The following ERICH6 variants were observed in gnomAD, a reference collection of about 807,000 sequenced individuals.
ERICH6 encodes the protein glutamate rich 6, also known as glutamate-rich protein 6.
Under a neutral mutation model 71.0 loss-of-function variants are expected in ERICH6, and 71 were observed. The ratio of observed to expected loss-of-function variants is 1.00; its 90% CI spans 0.83 to 1.22. ERICH6 has a LOEUF of 1.22. Among genes scored for constraint, ERICH6 ranks in the 50% most tolerant of loss-of-function variants. The pLI, the probability that ERICH6 is intolerant of heterozygous loss-of-function variation, is 0.00. For synonymous variants in ERICH6, 262 were observed against 278.4 expected, an observed-to-expected ratio of 0.94 and a Z score of 0.59; for missense variants, 808 against 797.2, an observed-to-expected ratio of 1.01 and a Z score of -0.16.
chr3:150,671,868 G>A (rs763312343), intron 11 of ERICH6, among the ~76,000 whole-genome samples: 5 of 152,118 alleles, frequency 3.3e-5, no homozygotes, highest in Admixed American at 6.5e-5. Context: ...GAGCTCATGC[G>A]ATCTGCCCAC....
At chr3:150,667,121 G>A (rs17281008) in intron 12 of ERICH6, 106 bp from the exon 13 acceptor site, 51,484 of 1,003,518 alleles carry the variant, frequency 0.051, 1,695 homozygotes, top group Middle Eastern at 0.1. Context: ...TTATGCCAGC[G>A]ATTAGCAGGA....
In ERICH6 at chr3:150,703,877, T is replaced by A; in HGVS notation, c.22A>T (p.Ser8Cys). 6.2e-7 allele frequency: 1 copy of A among 1,613,870 alleles called. No individual in the cohort carries two copies. The highest frequency in any genetic ancestry group is 8.5e-7 in the Non-Finnish European group (1 of 1,179,926). The change falls in exon 1 of 14, where the codon AGC becomes TGC. Residue 8 changes from serine (S) to cysteine (C), a missense_variant. Transcript: ENST00000295910. ...TTCTTCCCCGGGTCTCCGAAGCCGC[T>A]AGGCGAGCGCAAGTGGGCCATGGCT... MAHLRSP[S>C]GFGDPGKKDQ...
intron 3 of ERICH6, among the ~76,000 whole-genome samples, chr3:150,694,473 C>T (rs1712576413): frequency 6.6e-6 from 1 of 152,166 alleles, no homozygotes; most frequent in Admixed American, 6.5e-5. Flanking sequence ...GGTAGGTACT[C>T]TATGTTCGTT....
rs1713045889 is a variant in ERICH6, at chr3:150,703,742, C to A, written c.157G>T (p.Glu53Ter). The change falls in exon 1 of 14, where the codon GAG becomes TAG. Residue 53 changes from glutamate to a stop codon, truncating the protein, a stop_gained. Coordinates refer to ENST00000295910, the MANE Select transcript of ERICH6 (RefSeq NM_152394.5). LOFTEE classifies it high-confidence loss of function. The part of the protein sequence containing the change: ...EEEEEVEEEE[E>*]EVVEEELVGE... ...ACCAACTCCTCCTCCACCACCTCCT[C>A]CTCCTCCTCCTCCACCTCTTCCTCC... The A allele has an allele frequency of 6.3e-7, 1 of 1,589,308 alleles. No individual in the cohort carries two copies. The highest frequency in any genetic ancestry group is 1.4e-5 in the African/African-American group (1 of 72,734).
chr3:150,659,982 A>C lies in ERICH6; in HGVS notation c.1902T>G (p.Leu634=). 1 of 1,614,188 alleles carries C rather than the reference A, an allele frequency of 6.2e-7. No individual in the cohort carries two copies. Among genetic ancestry groups the C allele is most frequent in the South Asian group, 1.1e-5 (1 of 91,082 alleles). ...GACAAAGGGCAATTAGTTTTAGAGA[A>C]AGTGAAGAAAGGTAGGAAGGTTGCT... The part of the protein sequence containing the change: ...KLKQPSYLSS[L]SLKLIALCHS... Residue 634 remains leucine (L), a synonymous_variant, in exon 14 of 14, where the codon CTT becomes CTG. Coordinates refer to ENST00000295910, the MANE Select transcript of ERICH6 (RefSeq NM_152394.5).
At chr3:150,682,379 C>A (rs1712005189) in intron 6 of ERICH6, 63 bp from the exon 7 acceptor site, 2 of 1,247,864 alleles carry the variant, frequency 1.6e-6, no homozygotes, top group South Asian at 1.2e-5. Flanking sequence ...GCTCTGAGAG[C>A]AGCAGGAGCA....
intron 10 of ERICH6, among the ~76,000 whole-genome samples, chr3:150,675,710 T>G (rs1008798765): frequency 2.0e-5 from 3 of 151,934 alleles, no homozygotes; most frequent in African/African-American, 7.2e-5. Flanking sequence ...GGCCATTGTT[T>G]TTTTTTTTTA....
intron 3 of ERICH6, among the ~76,000 whole-genome samples, chr3:150,697,169 T>C (rs1221589692): frequency 6.8e-6 from 1 of 146,768 alleles, no homozygotes; most frequent in Non-Finnish European, 1.5e-5. Flanking sequence ...TTCATGTAAA[T>C]AACAACAGCA....
intron 4 of ERICH6, 71 bp downstream of exon 4, chr3:150,686,227 G>A (rs187067157): frequency 1.8e-4 from 278 of 1,526,362 alleles, no homozygotes; most frequent in East Asian, 7.4e-4. Context: ...GGCTCTGTGC[G>A]AGTTAAGGTG....
At position 150,669,312 on chromosome 3, in the gene ERICH6, G is replaced by A. The variant is rs1448734941; in HGVS notation, c.1483C>T (p.Pro495Ser). 6.2e-7 allele frequency: 1 copy of A among 1,608,632 alleles called. No homozygotes were observed. Among genetic ancestry groups the A allele is most frequent in the Non-Finnish European group, 8.5e-7 (1 of 1,178,020 alleles). The change falls in exon 12 of 14, where the codon CCC becomes TCC. Residue 495 changes from proline (P) to serine (S), a missense_variant. Coordinates refer to ENST00000295910, the MANE Select transcript of ERICH6 (RefSeq NM_152394.5). Reference sequence around the variant, plus strand: ...GAAGCTTACCAGACATTTCCATTGGGATGATAGCAGGAACTTCTGCCAGAG... The same window carrying A: ...GAAGCTTACCAGACATTTCCATTGGAATGATAGCAGGAACTTCTGCCAGAG... ...DSSGRSSCYH[P>S]NGNVWVYINI...
At chr3:150,660,831 C>A (rs192487105) in intron 13 of ERICH6, among the ~76,000 whole-genome samples, 1 of 152,294 alleles carries the variant, frequency 6.6e-6, no homozygotes, top group African/African-American at 2.4e-5. Flanking sequence ...TAAATGCAAG[C>A]AGAACTACTA....
At position 150,703,605 on chromosome 3, in the gene ERICH6, T is replaced by C; in HGVS notation, c.294A>G (p.Leu98=). Residue 98 remains leucine (L), a synonymous_variant, in exon 1 of 14, where the codon TTA becomes TTG. Transcript: ENST00000295910. Reference sequence around the variant, plus strand: ...TCAGGCTAGGGCTGACGATGCTGGCTAAGCGGGGGCGCACGTCTGGGAAGT... The same window carrying C: ...TCAGGCTAGGGCTGACGATGCTGGCCAAGCGGGGGCGCACGTCTGGGAAGT... ...DDDFPDVRPR[L]ASIVSPSLTS... 1 of 1,614,040 alleles carries C rather than the reference T, an allele frequency of 6.2e-7. No homozygotes were observed. The highest frequency in any genetic ancestry group is 8.5e-7 in the Non-Finnish European group (1 of 1,179,998).
Position 150,681,503 on chromosome 3 carries a change from A to C in ERICH6, c.883-573T>G, listed in dbSNP as rs1258485142. Among the ~76,000 whole-genome samples the C allele has an allele frequency of 3.9e-5, 6 of 152,200 alleles. 1 individual carries two copies. The highest frequency in any genetic ancestry group is 3.9e-4 in the Admixed American group (6 of 15,282). On this transcript the variant is annotated intron_variant, in intron 7 of 13. Coordinates refer to ENST00000295910, the MANE Select transcript of ERICH6 (RefSeq NM_152394.5). ...GGCTATTACGAATCATGCTGCTGTC[A>C]ACATTTTTGTACAAGTTTTTGTGTG...
At position 150,674,113 on chromosome 3, in the gene ERICH6, AT is replaced by A; in HGVS notation, c.1258-73del. Reference sequence around the variant, plus strand: ...AGTAGTAAGTACGACAACAATGGACATCAGCTGGTTACTAGACAGTCATACA... The same window carrying A: ...AGTAGTAAGTACGACAACAATGGACACAGCTGGTTACTAGACAGTCATACA... On this transcript the variant is annotated intron_variant, in intron 10 of 13. Coordinates refer to ENST00000295910, the MANE Select transcript of ERICH6 (RefSeq NM_152394.5). 2.4e-6 allele frequency: 3 copies of A among 1,243,252 alleles called. 1 individual carries two copies. Among genetic ancestry groups the A allele is most frequent in the South Asian group, 2.5e-5 (2 of 79,796 alleles). The allele number at this position is 1,243,252 out of a possible 1,614,324, so 77.0% of individuals were successfully genotyped here.
At chr3:150,685,632 C>CA (rs1712148626) in intron 6 of ERICH6, 110 bp downstream of exon 6, 17 of 775,150 alleles carry the variant, frequency 2.2e-5, no homozygotes, top group East Asian at 5.8e-5. Context: ...AGCTCTTTGG[C>CA]TTTTTTTTTT....
At chr3:150,666,705 T>G in intron 13 of ERICH6, 82 bp downstream of exon 13, 2 of 1,200,706 alleles carry the variant, frequency 1.7e-6, no homozygotes, top group South Asian at 1.5e-5. Context: ...TAGTGTAATC[T>G]ATCAGTAATA....
chr3:150,702,955 A>T (rs959516388), intron 1 of ERICH6, among the ~76,000 whole-genome samples: 1 of 39,940 alleles, frequency 2.5e-5, no homozygotes, highest in African/African-American at 9.4e-5. Context: ...AGAGAGGGGG[A>T]GGGGAGAGGG....
intron 3 of ERICH6, among the ~76,000 whole-genome samples, chr3:150,691,242 A>G (rs890743787): frequency 6.6e-6 from 1 of 152,214 alleles, no homozygotes; most frequent in African/African-American, 2.4e-5. Context: ...TTGTAGATGA[A>G]CTCATTATAA....
chr3:150,683,340 G>T (rs780826873), intron 6 of ERICH6, among the ~76,000 whole-genome samples: 10 of 152,200 alleles, frequency 6.6e-5, no homozygotes, highest in Non-Finnish European at 1.3e-4. Flanking sequence ...GATGGAGTAG[G>T]ACAGAAAGAG....
Sources: allele counts gnomAD v4.1 joint callset (sites outside exome capture counted in the v4.1 genomes callset), GRCh38; gene constraint gnomAD v4.1.1; transcripts MANE v1.5; gene names NCBI Gene and HGNC (gene_info 2026-07-23, HGNC 2026-07-21).